The following USP50 variants were observed in gnomAD, a reference collection of about 807,000 sequenced individuals.
USP50 encodes the protein ubiquitin specific peptidase 50, also known as ubiquitin carboxyl-terminal hydrolase 50.
In USP50, 37 loss-of-function variants were observed where a neutral mutation model predicts 39.2. The observed-to-expected ratio is 0.94, with a 90% CI of 0.73 to 1.24. The LOEUF is 1.24. Ranked by LOEUF, USP50 falls within the 50% of genes most tolerant of loss-of-function variation. USP50 has a pLI of 0.00. For missense variants in USP50, 374 were observed against 398.2 expected (o/e 0.94, Z 0.52); for synonymous variants, 139 against 144.5 (o/e 0.96, Z 0.27).
At chr15:50,498,451 T>C (rs2052497258), downstream of USP50, 1 of 1,085,252 alleles carries the variant, frequency 9.2e-7, no homozygotes, top group Non-Finnish European at 1.3e-6. Flanking sequence ...CAAATGTCTT[T>C]AACAGGTTCC....
At chr15:50,498,540 A>G, downstream of USP50, 1 of 1,503,366 alleles carries the variant, frequency 6.7e-7, no homozygotes, top group Non-Finnish European at 8.9e-7. Context: ...TTAATGAATG[A>G]GGATTCATCC....
At chr15:50,544,073 A>G in intron 2 of USP50, 1 of 401,804 alleles carries the variant, frequency 2.5e-6, no homozygotes, top group Non-Finnish European at 4.6e-6. Flanking sequence ...CACACCTGTA[A>G]TGCCAGCACT....
At position 50,543,630 on chromosome 15, in the gene USP50, C is replaced by T; in HGVS notation, c.412G>A (p.Val138Ile). Reference protein sequence around the residue: ...QQDAQEFLICVLNELHEALKK... With the variant: ...QQDAQEFLICILNELHEALKK... ...AGAGCTTCATGAAGTTCATTTAGGA[C>T]ACAAATCAAGAATTCCTGAGCATCT... The change falls in exon 3 of 7, where the codon GTC (valine) becomes ATC (isoleucine). Residue 138 changes from valine (V) to isoleucine (I), a missense_variant. Physicochemically the swap from Val to Ile is conservative, Grantham distance 29 (BLOSUM62 3). Coordinates refer to ENST00000532404, the MANE Select transcript of USP50 (RefSeq NM_203494.5). 6.2e-7 allele frequency: 1 copy of T among 1,613,652 alleles called. No individual in the cohort carries two copies. The highest frequency in any genetic ancestry group is 2.2e-5 in the East Asian group (1 of 44,880).
intron 6 of USP50, among the ~76,000 whole-genome samples, chr15:50,525,090 G>A (rs2052877976): frequency 6.6e-6 from 1 of 152,178 alleles, no homozygotes; most frequent in South Asian, 2.1e-4. Context: ...ATACTATTCA[G>A]CCTTTAAAAA....
chr15:50,496,099 TAG>T (rs779791776), downstream of USP50: 14 of 1,561,988 alleles, frequency 9.0e-6, no homozygotes, highest in Admixed American at 2.5e-4. Flanking sequence ...GTTTAAGAAG[TAG>T]AGAGAAAATG....
rs112417464 is a variant in USP50 at position 50,543,419 on chromosome 15, T to C, written c.444+179A>G. Among the ~76,000 whole-genome samples, 202 of 152,308 alleles carry C rather than the reference T, an allele frequency of 1.3e-3. 1 individual carries two copies. Among genetic ancestry groups the C allele is most frequent in the African/African-American group, 4.8e-3 (198 of 41,582 alleles). The stretch of plus-strand genomic sequence containing the variant: ...CTTCCCAGATGATTCTGATGACAAG[T>C]AAGTTTGGTAAATACAGCTACACAT... On this transcript the variant is annotated intron_variant, in intron 3 of 6. Transcript: ENST00000532404.
At chr15:50,494,316 T>C (rs2052290236) in intron 1 of USP50, 6 of 1,553,900 alleles carry the variant, frequency 3.9e-6, no homozygotes, top group Non-Finnish European at 5.2e-6. Flanking sequence ...GCAGAGACTC[T>C]TTAGGGTTGC....
At chr15:50,500,866 T>G in intron 6 of USP50, 29 bp from the exon 7 acceptor site, 1 of 1,539,978 alleles carries the variant, frequency 6.5e-7, no homozygotes, top group South Asian at 1.2e-5. Context: ...TCAAACTTAG[T>G]ATTCACATAT....
intron 3 of USP50, 48 bp downstream of exon 3, chr15:50,543,550 G>T: frequency 6.5e-7 from 1 of 1,539,208 alleles, no homozygotes; most frequent in Non-Finnish European, 8.9e-7. Flanking sequence ...GGAAGCTGCT[G>T]ATAAAGGTTC....
chr15:50,537,886 G>T (rs988477204), intron 5 of USP50, among the ~76,000 whole-genome samples: 1 of 42,544 alleles, frequency 2.4e-5, no homozygotes, highest in Non-Finnish European at 5.2e-5. Flanking sequence ...GAGGGGAGGG[G>T]AGGGGAGGGG....
chr15:50,529,025 G>T (rs531247324), intron 6 of USP50, among the ~76,000 whole-genome samples: 1 of 152,128 alleles, frequency 6.6e-6, no homozygotes, highest in Non-Finnish European at 1.5e-5. Flanking sequence ...TATGAGTTCC[G>T]GTGGTTTGGT....
At chr15:50,539,948 GAGGAGCCACT>G (rs1250031374) in intron 4 of USP50, among the ~76,000 whole-genome samples, 2 of 152,170 alleles carry the variant, frequency 1.3e-5, no homozygotes, top group Non-Finnish European at 2.9e-5. Context: ...TTTGTTTGCA[GAGGAGCCACT>G]AGCACCTTAC....
chr15:50,511,651 T>A (rs2052740059), intron 6 of USP50: 3 of 152,168 alleles, frequency 2.0e-5, no homozygotes, highest in African/African-American at 7.2e-5. Flanking sequence ...TTATGCTGAA[T>A]AAAAGAAAAT....
chr15:50,544,069 T>C (rs774219259), intron 2 of USP50: 7 of 414,156 alleles, frequency 1.7e-5, no homozygotes, highest in Middle Eastern at 7.1e-4. Flanking sequence ...GGCTCACACC[T>C]GTAATGCCAG....
At chr15:50,543,077 T>C (rs2053042715) in intron 3 of USP50, among the ~76,000 whole-genome samples, 1 of 152,184 alleles carries the variant, frequency 6.6e-6, no homozygotes, top group Admixed American at 6.5e-5. Flanking sequence ...GGTGATGAAC[T>C]CAGGTTAGGT....
Position 50,544,641 on chromosome 15 carries a change from A to T in USP50, c.194T>A (p.Ile65Asn), listed in dbSNP as rs759455252. 4 of 1,613,856 alleles carry T rather than the reference A, an allele frequency of 2.5e-6. No homozygotes were observed. In the East Asian group the frequency reaches 8.9e-5, roughly 36 times the overall value. Residue 65 changes from isoleucine to asparagine, a missense_variant, in exon 2 of 7, where the codon ATC (isoleucine) becomes AAC (asparagine). By Grantham distance (149) the Ile-to-Asn change is moderately radical. Coordinates refer to ENST00000532404, the MANE Select transcript of USP50 (RefSeq NM_203494.5). ...GAGAAAGTATTCCACCAGCGGCAAG[A>T]TGCTGCAGAGACACTGTGAGATGGC... ...VNAISQCLCS[I>N]LPLVEYFLTG...
chr15:50,542,481 AT>A (rs11292495), intron 3 of USP50, among the ~76,000 whole-genome samples: 18,462 of 97,014 alleles, frequency 0.19, 803 homozygotes, highest in South Asian at 0.27. Context: ...TTTCCTTTTC[AT>A]TTTTTTTTTT....
intron 5 of USP50, among the ~76,000 whole-genome samples, chr15:50,535,162 CACAA>C (rs1274505442): frequency 7.8e-4 from 119 of 152,014 alleles, no homozygotes; most frequent in Admixed American, 2.7e-3. Context: ...CACACACACA[CACAA>C]AAATTGATAG....
At chr15:50,524,786 A>T (rs1432279843) in intron 6 of USP50, among the ~76,000 whole-genome samples, 1 of 152,204 alleles carries the variant, frequency 6.6e-6, no homozygotes, top group Non-Finnish European at 1.5e-5. Flanking sequence ...AAGTGGGAGG[A>T]ACGCTTGAGC....
Sources: allele counts gnomAD v4.1 joint callset (sites outside exome capture counted in the v4.1 genomes callset), GRCh38; gene constraint gnomAD v4.1.1; transcripts MANE v1.5; gene names NCBI Gene and HGNC (gene_info 2026-07-23, HGNC 2026-07-21).